The following NCALD variants were observed in gnomAD, a reference collection of about 807,000 sequenced individuals.
The protein encoded by NCALD is neurocalcin delta.
A neutral mutation model predicts 18.6 loss-of-function variants in NCALD; 10 were observed. That is an observed-to-expected ratio of 0.54 (90% confidence interval 0.33 to 0.91). NCALD has a LOEUF of 0.91. NCALD is among the 40% of genes least tolerant of loss of function. NCALD has a pLI of 0.03. For missense variants in NCALD, 184 were observed against 247.6 expected (o/e 0.74, Z 1.72); for synonymous variants, 88 against 87.4 (o/e 1.01, Z -0.04).
intron 1 of NCALD, among the ~76,000 whole-genome samples, chr8:101,722,121 G>A (rs1036306053): frequency 5.3e-5 from 8 of 152,154 alleles, no homozygotes; most frequent in Non-Finnish European, 7.4e-5. Context: ...GAGCCACCAC[G>A]CTTGGCCCAG....
intron 2 of NCALD, among the ~76,000 whole-genome samples, chr8:102,017,999 T>A (rs2212794): frequency 0.028 from 4,317 of 152,288 alleles, 103 homozygotes; most frequent in East Asian, 0.096. Flanking sequence ...AGGTGTTCAA[T>A]GTCATTAGGG....
intron 3 of NCALD, among the ~76,000 whole-genome samples, chr8:101,896,262 G>A (rs951004783): frequency 6.6e-6 from 1 of 151,984 alleles, no homozygotes; most frequent in African/African-American, 2.4e-5. Context: ...CAAGCAATGG[G>A]GAAAGGATTC....
At chr8:101,728,173 C>T (rs529980323) in intron 1 of NCALD, among the ~76,000 whole-genome samples, 4 of 152,314 alleles carry the variant, frequency 2.6e-5, no homozygotes, top group East Asian at 1.9e-4. Flanking sequence ...CTAAAAATGA[C>T]GCCACAGCAA....
chr8:101,810,976 AT>A (rs1165285853), intron 4 of NCALD, among the ~76,000 whole-genome samples: 1 of 152,188 alleles, frequency 6.6e-6, no homozygotes, highest in African/African-American at 2.4e-5. Flanking sequence ...CAGAAAAAAA[AT>A]GTTTATTATG....
At chr8:101,766,902 A>G (rs1741251760) in intron 1 of NCALD, among the ~76,000 whole-genome samples, 2 of 152,220 alleles carry the variant, frequency 1.3e-5, no homozygotes, top group Admixed American at 1.3e-4. Flanking sequence ...TTAAAACTAT[A>G]TATGTATACA....
rs146541915 is a variant in NCALD, at chr8:101,693,219, C to T, written c.379-323G>A. On this transcript the variant is annotated intron_variant, in intron 2 of 3. Transcript: ENST00000220931. ...AGGCTGGAGTGTAGTGGCACGCTTA[C>T]GGCTCACTGCAGGCTCCATTTCATA... The T allele has an allele frequency of 4.6e-3, 1,103 of 240,438 alleles. 13 individuals carry two copies. The highest frequency in any genetic ancestry group is 0.024 in the African/African-American group (1,026 of 43,104). 14.9% of individuals were successfully genotyped at this position (240,438 alleles called of 1,614,324 possible). A position where few individuals can be genotyped will look rare whatever the true frequency, so the allele number is the denominator to read the frequency against.
At chr8:101,801,345 A>G (rs1325120262) in intron 4 of NCALD, among the ~76,000 whole-genome samples, 4 of 152,166 alleles carry the variant, frequency 2.6e-5, no homozygotes, top group Non-Finnish European at 4.4e-5. Context: ...AAATTAACCA[A>G]TTTGACCTAA....
At chr8:101,910,701 T>G (rs2131602743) in intron 3 of NCALD, among the ~76,000 whole-genome samples, 1 of 152,322 alleles carries the variant, frequency 6.6e-6, no homozygotes, top group Non-Finnish European at 1.5e-5. Flanking sequence ...ATTCCCATAA[T>G]AAATAGATCC....
intron 1 of NCALD, among the ~76,000 whole-genome samples, chr8:101,726,662 T>G (rs571612706): frequency 3.3e-5 from 5 of 152,306 alleles, no homozygotes; most frequent in Admixed American, 2.6e-4. Context: ...AGATGCCTAT[T>G]ACACATCAGT....
intron 1 of NCALD, among the ~76,000 whole-genome samples, chr8:102,123,359 G>A (rs560467893): frequency 6.6e-6 from 1 of 151,240 alleles, no homozygotes; most frequent in Non-Finnish European, 1.5e-5. Context: ...TGCGGCCTCC[G>A]ACAGACCCGC....
chr8:101,904,420 T>C (rs73280895), intron 3 of NCALD, among the ~76,000 whole-genome samples: 3,480 of 152,124 alleles, frequency 0.023, 73 homozygotes, highest in African/African-American at 0.052. Context: ...ATCTCCCCAC[T>C]TCCTTCCTTT....
chr8:101,975,547 T>C, intron 2 of NCALD, among the ~76,000 whole-genome samples: 1 of 152,196 alleles, frequency 6.6e-6, no homozygotes, highest in East Asian at 1.9e-4. Context: ...ATAACCCTTG[T>C]AAGGCTCCTG....
intron 2 of NCALD, among the ~76,000 whole-genome samples, chr8:101,981,512 C>T (rs1296983052): frequency 6.6e-6 from 1 of 152,082 alleles, no homozygotes; most frequent in East Asian, 1.9e-4. Context: ...TCCAGAAAAC[C>T]AGCTGCTTAT....
intron 1 of NCALD, among the ~76,000 whole-genome samples, chr8:101,770,491 G>T (rs1450553710): frequency 6.6e-6 from 1 of 152,138 alleles, no homozygotes; most frequent in Non-Finnish European, 1.5e-5. Context: ...CTGAATAAAT[G>T]ATTTCAAATG....
At chr8:101,988,154 C>CAAAAAAAAAAAAGAAA (rs1820892544) in intron 2 of NCALD, among the ~76,000 whole-genome samples, 1 of 37,180 alleles carries the variant, frequency 2.7e-5, no homozygotes, top group Non-Finnish European at 4.8e-5. Context: ...GACTCCGTCT[C>CAAAAAAAAAAAAGAAA]AAAAAAAAAA....
intron 1 of NCALD, among the ~76,000 whole-genome samples, chr8:101,781,714 A>G (rs1291198546): frequency 6.6e-6 from 1 of 152,222 alleles, no homozygotes; most frequent in Non-Finnish European, 1.5e-5. Flanking sequence ...TGAAATTATC[A>G]TCAATATCAA....
At chr8:101,793,632 C>T (rs559938668), upstream of NCALD, among the ~76,000 whole-genome samples, 69 of 152,148 alleles carry the variant, frequency 4.5e-4, no homozygotes, top group Non-Finnish European at 8.5e-4. Flanking sequence ...GAAAGTATCA[C>T]AGGAAATACA....
chr8:101,858,269 G>A (rs553458306), intron 4 of NCALD, among the ~76,000 whole-genome samples: 102 of 152,256 alleles, frequency 6.7e-4, no homozygotes, highest in African/African-American at 1.9e-3. Context: ...CTATAGAGTG[G>A]AGCAAAACTG....
intron 2 of NCALD, among the ~76,000 whole-genome samples, chr8:101,949,629 T>A (rs1819311805): frequency 6.6e-6 from 1 of 152,160 alleles, no homozygotes; most frequent in Non-Finnish European, 1.5e-5. Context: ...TTACAGAGTA[T>A]CCTTCCCAGC....
Sources: gnomAD v4.1 joint callset for allele counts (sites outside exome capture counted in the v4.1 genomes callset) on GRCh38, gnomAD v4.1.1 for gene constraint, MANE v1.5 for transcripts, NCBI Gene and HGNC (gene_info 2026-07-23, HGNC 2026-07-21) for gene names.